S100Z: variants seen among roughly 807,000 people sequenced by gnomAD.
The protein encoded by S100Z is protein S100-Z.
In S100Z, 11 loss-of-function variants were observed where a neutral mutation model predicts 8.5. The ratio of observed to expected loss-of-function variants is 1.30; its 90% CI spans 0.82 to 2.15. The LOEUF is 2.15. S100Z is among the 30% of genes most tolerant of loss of function. The pLI is 0.00. For missense variants in S100Z, 126 were observed against 117.9 expected (o/e 1.07, Z -0.32); for synonymous variants, 34 against 43.8 (o/e 0.78, Z 0.89).
intron 3 of S100Z, among the ~76,000 whole-genome samples, chr5:76,875,918 G>C (rs1474182810): frequency 6.6e-6 from 1 of 152,156 alleles, no homozygotes; most frequent in East Asian, 1.9e-4. Flanking sequence ...TCATGCTATG[G>C]TGGCAAATTT....
At chr5:76,883,048 A>G (rs1176117572) in intron 4 of S100Z, among the ~76,000 whole-genome samples, 1 of 152,010 alleles carries the variant, frequency 6.6e-6, no homozygotes, top group Non-Finnish European at 1.5e-5. Flanking sequence ...TTGTAGGGAG[A>G]GTTTACAGGC....
chr5:76,885,860 T>C (rs1743605679), intron 4 of S100Z, among the ~76,000 whole-genome samples: 1 of 140,112 alleles, frequency 7.1e-6, no homozygotes, highest in Admixed American at 7.2e-5. Context: ...GGGGGGTGCT[T>C]GTTCCCCAGA....
chr5:76,871,211 A>G (rs1204078970), intron 2 of S100Z, among the ~76,000 whole-genome samples: 2 of 152,192 alleles, frequency 1.3e-5, no homozygotes, highest in Non-Finnish European at 2.9e-5. Flanking sequence ...TCTCTGACAT[A>G]TTTTGAAATG....
At chr5:76,933,774 A>G in the S100Z span, among the ~76,000 whole-genome samples, 2 of 152,212 alleles carry the variant, frequency 1.3e-5, no homozygotes, top group Non-Finnish European at 2.9e-5. Flanking sequence ...TTTTAAGTGT[A>G]CAATTCAGTA....
chr5:76,858,175 A>G lies in S100Z; in HGVS notation c.-176+8020A>G, dbSNP rs368018692. Among the ~76,000 whole-genome samples, 421 of 152,358 alleles carry G rather than the reference A, an allele frequency of 2.8e-3. 3 individuals carry two copies. The highest frequency in any genetic ancestry group is 9.6e-3 in the African/African-American group (401 of 41,592). On this transcript the variant is annotated intron_variant, in intron 1 of 4. Transcript: ENST00000317593. ...ACCACACTCATTTCAGGCTTCTGCCATCTTCTCTTGCCAGTCCAGTCATGG... is the reference window on the plus strand; with the variant it reads ...ACCACACTCATTTCAGGCTTCTGCCGTCTTCTCTTGCCAGTCCAGTCATGG...
At chr5:76,892,639 C>A (rs1743902584) in intron 4 of S100Z, among the ~76,000 whole-genome samples, 1 of 150,020 alleles carries the variant, frequency 6.7e-6, no homozygotes, top group African/African-American at 2.5e-5. Flanking sequence ...AGTGGGCAGT[C>A]AGGGAAAGAA....
At chr5:76,903,399 C>A (rs1161672906) in intron 4 of S100Z, among the ~76,000 whole-genome samples, 2 of 151,982 alleles carry the variant, frequency 1.3e-5, no homozygotes, top group Admixed American at 1.3e-4. Context: ...TTTGTATATA[C>A]CTTTTTATTG....
Position 76,919,292 on chromosome 5 carries a change from T to C in S100Z, c.*3-1425T>C, listed in dbSNP as rs540830981. On this transcript the variant is annotated intron_variant, in intron 4 of 4. Coordinates refer to ENST00000317593, the MANE Select transcript of S100Z (RefSeq NM_130772.4). ...TTGTCTTCCAAAGTGGCAGTGCCATTTTGCATTGCCACCAGCAATGAATGA... is the reference window on the plus strand; with the variant it reads ...TTGTCTTCCAAAGTGGCAGTGCCATCTTGCATTGCCACCAGCAATGAATGA... Among the ~76,000 whole-genome samples, 8 of 152,290 alleles carry C rather than the reference T, an allele frequency of 5.3e-5. No individual in the cohort carries two copies. In the South Asian group the frequency reaches 1.7e-3, roughly 32 times the overall value.
intron 4 of S100Z, among the ~76,000 whole-genome samples, chr5:76,891,846 G>T (rs1413876159): frequency 1.3e-5 from 2 of 151,876 alleles, no homozygotes; most frequent in East Asian, 1.9e-4. Context: ...GGGAGGGAAA[G>T]GATGTCACCA....
At chr5:76,906,993 T>C (rs1421639497) in intron 4 of S100Z, among the ~76,000 whole-genome samples, 52 of 18,958 alleles carry the variant, frequency 2.7e-3, no homozygotes, top group Non-Finnish European at 6.0e-3. Flanking sequence ...TATATATATA[T>C]ATATATATAT....
downstream of S100Z, among the ~76,000 whole-genome samples, chr5:76,922,879 T>A (rs1477480008): frequency 6.6e-6 from 1 of 152,120 alleles, no homozygotes; most frequent in Non-Finnish European, 1.5e-5. Flanking sequence ...TTTGTATGAA[T>A]CCCATGCACA....
At chr5:76,912,696 A>G (rs1463514989) in intron 4 of S100Z, among the ~76,000 whole-genome samples, 2 of 152,266 alleles carry the variant, frequency 1.3e-5, no homozygotes, top group East Asian at 3.8e-4. Context: ...TCATGGAGTG[A>G]TTGCACTCAG....
chr5:76,888,256 C>CA (rs1354300114), intron 4 of S100Z, among the ~76,000 whole-genome samples: 23 of 99,358 alleles, frequency 2.3e-4, no homozygotes, highest in Admixed American at 1.1e-3. Flanking sequence ...GACTCCATCT[C>CA]AAAAAAAAGA....
chr5:76,944,539 T>C, the S100Z span, among the ~76,000 whole-genome samples: 2 of 151,662 alleles, frequency 1.3e-5, no homozygotes, highest in African/African-American at 4.8e-5. Context: ...GGAGGGTGGG[T>C]AGGAAGGGGT....
downstream of S100Z, among the ~76,000 whole-genome samples, chr5:76,925,855 T>C (rs1234637206): frequency 6.6e-5 from 10 of 152,142 alleles, no homozygotes; most frequent in Admixed American, 2.6e-4. Flanking sequence ...TAGTCCCACC[T>C]ACTCAGGAGG....
chr5:76,897,409 C>T (rs567581218), intron 4 of S100Z, among the ~76,000 whole-genome samples: 80 of 151,638 alleles, frequency 5.3e-4, no homozygotes, highest in African/African-American at 1.8e-3. Context: ...TGCCACTGCA[C>T]TCCAGCCTGG....
intron 4 of S100Z, among the ~76,000 whole-genome samples, chr5:76,889,200 G>T (rs577529997): frequency 4.0e-4 from 61 of 152,238 alleles, no homozygotes; most frequent in African/African-American, 1.4e-3. Flanking sequence ...GTACAGGCGA[G>T]CTTCCTTCTC....
the S100Z span, among the ~76,000 whole-genome samples, chr5:76,945,151 G>A: frequency 6.6e-6 from 1 of 152,220 alleles, no homozygotes; most frequent in Non-Finnish European, 1.5e-5. Flanking sequence ...ATCTAGGGCT[G>A]TGCAGGATGT....
At chr5:76,877,012 T>C (rs934695618) in intron 3 of S100Z, among the ~76,000 whole-genome samples, 3 of 152,170 alleles carry the variant, frequency 2.0e-5, no homozygotes, top group African/African-American at 7.2e-5. Flanking sequence ...TTTGGGTGCC[T>C]CTCTTCTGTG....
Sources: allele counts gnomAD v4.1 joint callset (sites outside exome capture counted in the v4.1 genomes callset), GRCh38; gene constraint gnomAD v4.1.1; transcripts MANE v1.5; gene names NCBI Gene and HGNC (gene_info 2026-07-23, HGNC 2026-07-21).